MYT1L: variants seen among roughly 807,000 people sequenced by gnomAD.
MYT1L encodes the protein myelin transcription factor 1 like.
In MYT1L, 12 loss-of-function variants were observed where a neutral mutation model predicts 126.7. The ratio of observed to expected loss-of-function variants is 0.09; its 90% CI spans 0.06 to 0.15. The LOEUF is 0.15. Ranked by LOEUF, MYT1L falls within the 10% of genes least tolerant of loss-of-function variation. The pLI is 1.00. For synonymous variants in MYT1L, 541 were observed against 604.2 expected, an observed-to-expected ratio of 0.90 and a Z score of 1.53; for missense variants, 979 against 1,585.2, an observed-to-expected ratio of 0.62 and a Z score of 6.49.
chr2:2,264,085 A>T (rs1278198162), intron 2 of MYT1L, among the ~76,000 whole-genome samples: 1 of 152,210 alleles, frequency 6.6e-6, no homozygotes, highest in Non-Finnish European at 1.5e-5. Flanking sequence ...CCAAACATCC[A>T]TGGTGGCAGG....
chr2:2,156,643 G>C (rs974016769), intron 3 of MYT1L, among the ~76,000 whole-genome samples: 3 of 152,200 alleles, frequency 2.0e-5, no homozygotes, highest in Non-Finnish European at 2.9e-5. Flanking sequence ...CTGGCTTTCT[G>C]CTTTTTTATA....
At chr2:2,134,335 G>T (rs1200296754) in intron 3 of MYT1L, among the ~76,000 whole-genome samples, 1 of 152,152 alleles carries the variant, frequency 6.6e-6, no homozygotes, top group Non-Finnish European at 1.5e-5. Flanking sequence ...TCTCCTAAGA[G>T]ATCTTATTCC....
At chr2:2,132,988 A>C (rs1348205533) in intron 3 of MYT1L, among the ~76,000 whole-genome samples, 1 of 151,982 alleles carries the variant, frequency 6.6e-6, no homozygotes, top group Non-Finnish European at 1.5e-5. Context: ...TTTCATATTC[A>C]CTGACAATTG....
intron 16 of MYT1L, among the ~76,000 whole-genome samples, chr2:1,888,301 T>A (rs1286426032): frequency 1.3e-5 from 2 of 152,178 alleles, no homozygotes; most frequent in Non-Finnish European, 2.9e-5. Flanking sequence ...CATGCCTTAT[T>A]TGGTAGTAAT....
intron 3 of MYT1L, among the ~76,000 whole-genome samples, chr2:2,068,766 C>CTTCTTT (rs1370285207): frequency 3.4e-4 from 2 of 5,880 alleles, no homozygotes; most frequent in Non-Finnish European, 7.3e-4. Context: ...CTGTGTTCTT[C>CTTCTTT]TTGTTTTTTT....
At chr2:2,328,548 C>T (rs2096265631) in intron 1 of MYT1L, among the ~76,000 whole-genome samples, 1 of 152,146 alleles carries the variant, frequency 6.6e-6, no homozygotes. Flanking sequence ...GCTTCTAACA[C>T]AAATTTGTGA....
chr2:2,004,206 A>AAT (rs1242540132), intron 4 of MYT1L, among the ~76,000 whole-genome samples: 589 of 27,842 alleles, frequency 0.021, 12 homozygotes, highest in Non-Finnish European at 0.033. Context: ...TTCTTTCCTG[A>AAT]ATGTGTTCTT....
chr2:1,955,607 G>C (rs2058274320), intron 8 of MYT1L, among the ~76,000 whole-genome samples: 1 of 152,142 alleles, frequency 6.6e-6, no homozygotes, highest in African/African-American at 2.4e-5. Flanking sequence ...ATGGGCATCA[G>C]GCTACAAATA....
intron 1 of MYT1L, chr2:2,325,743 C>G (rs1455236299): frequency 2.0e-5 from 3 of 152,310 alleles, no homozygotes; most frequent in African/African-American, 7.2e-5. Context: ...TACACAGACT[C>G]ATGTTTAACA....
chr2:2,329,468 T>TTG (rs2096271835), intron 1 of MYT1L, among the ~76,000 whole-genome samples: 1 of 151,844 alleles, frequency 6.6e-6, no homozygotes, highest in Non-Finnish European at 1.5e-5. Context: ...TTACTGATTC[T>TTG]TATAGTCCTC....
intron 2 of MYT1L, among the ~76,000 whole-genome samples, chr2:2,254,017 A>T (rs2094736529): frequency 6.6e-6 from 1 of 152,216 alleles, no homozygotes; most frequent in African/African-American, 2.4e-5. Context: ...CACTATGTAT[A>T]AAAGATAACT....
intron 3 of MYT1L, among the ~76,000 whole-genome samples, chr2:2,089,229 T>C (rs1049624907): frequency 6.6e-6 from 1 of 152,234 alleles, no homozygotes. Flanking sequence ...TGCTCTATTG[T>C]TAAGGCAATG....
At chr2:1,947,616 C>T (rs920521083) in intron 8 of MYT1L, among the ~76,000 whole-genome samples, 4 of 152,192 alleles carry the variant, frequency 2.6e-5, no homozygotes, top group Admixed American at 6.5e-5. Flanking sequence ...GCAGAGGGCC[C>T]GCCCACTTTC....
At chr2:1,925,493 TACATCTC>T (rs2054107476) in intron 9 of MYT1L, among the ~76,000 whole-genome samples, 3 of 152,208 alleles carry the variant, frequency 2.0e-5, no homozygotes. Context: ...AGTTAAGAAG[TACATCTC>T]ACCTTTTTGA....
At chr2:1,932,897 AC>A (rs1477429147) in intron 9 of MYT1L, among the ~76,000 whole-genome samples, 1 of 152,002 alleles carries the variant, frequency 6.6e-6, no homozygotes, top group African/African-American at 2.4e-5. Flanking sequence ...TCAAGACACA[AC>A]CCTGGATGCC....
At chr2:2,195,350 A>T (rs1325301561) in intron 2 of MYT1L, among the ~76,000 whole-genome samples, 1 of 152,262 alleles carries the variant, frequency 6.6e-6, no homozygotes, top group Non-Finnish European at 1.5e-5. Context: ...AGGAAGAAGG[A>T]TAAACTGAAA....
At chr2:2,303,862 T>C (rs1441700704) in intron 1 of MYT1L, 2 of 152,188 alleles carry the variant, frequency 1.3e-5, no homozygotes, top group Non-Finnish European at 2.9e-5. Context: ...AGGAAGAATC[T>C]TCCCCGACTT....
intron 2 of MYT1L, among the ~76,000 whole-genome samples, chr2:2,175,729 T>C (rs1045091399): frequency 6.6e-6 from 1 of 152,202 alleles, no homozygotes; most frequent in Admixed American, 6.5e-5. Context: ...GCTTTAAGGT[T>C]TTCTGTGTCC....
Position 1,811,422 on chromosome 2 carries a change from G to GCTCCCGCGTC in MYT1L, c.3081-2265_3081-2256dup, listed in dbSNP as rs1401267339. 1 of 151,662 alleles carries GCTCCCGCGTC rather than the reference G, an allele frequency of 6.6e-6. No individual in the cohort carries two copies. The highest frequency in any genetic ancestry group is 1.5e-5 in the Non-Finnish European group (1 of 68,386). The allele number at this position is 151,662 out of a possible 1,614,324, so 9.4% of individuals were successfully genotyped here. The stretch of plus-strand genomic sequence containing the variant: ...GGCGTCATCAGCTCCAGCATCATCA[G>GCTCCCGCGTC]CTCCCGCGTCCTATCCCATCCCAGG... On this transcript the variant is annotated intron_variant, in intron 21 of 24. Transcript: ENST00000647738. The surrounding 1 kb of genome is among the most constrained non-coding windows in gnomAD (Gnocchi z 4.4).
Sources: allele counts gnomAD v4.1 joint callset (sites outside exome capture counted in the v4.1 genomes callset), GRCh38; gene constraint gnomAD v4.1.1; non-coding constraint Gnocchi (gnomAD v3.1); transcripts MANE v1.5; gene names NCBI Gene and HGNC (gene_info 2026-07-23, HGNC 2026-07-21).